The following SLC26A7 variants were observed in gnomAD, a reference collection of about 807,000 sequenced individuals.
SLC26A7 encodes the protein anion exchange transporter.
SLC26A7 carries 59 observed loss-of-function variants against 82.5 expected under a neutral mutation model. The observed-to-expected ratio is 0.72, with a 90% CI of 0.58 to 0.89. The LOEUF (loss-of-function observed/expected upper bound fraction) is 0.89, where lower values mean the gene tolerates loss of function less well. SLC26A7 is among the 40% of genes least tolerant of loss of function. The pLI, the probability that SLC26A7 is intolerant of heterozygous loss-of-function variation, is 0.00. For missense variants in SLC26A7, 820 were observed against 793.0 expected (o/e 1.03, Z -0.41); for synonymous variants, 271 against 274.3 (o/e 0.99, Z 0.12).
At chr8:91,282,030 G>A (rs147096359) in intron 2 of SLC26A7, among the ~76,000 whole-genome samples, 4 of 152,154 alleles carry the variant, frequency 2.6e-5, no homozygotes, top group African/African-American at 9.6e-5. Flanking sequence ...TCAGCTAACT[G>A]AGGCCATCAT....
chr8:91,270,423 C>T (rs1811237643), intron 2 of SLC26A7, among the ~76,000 whole-genome samples: 2 of 152,166 alleles, frequency 1.3e-5, no homozygotes, highest in East Asian at 1.9e-4. Flanking sequence ...AGAACCAAAA[C>T]ACAGAGCTGC....
chr8:91,209,566 T>C (rs1278741364), intron 1 of SLC26A7: 1 of 152,218 alleles, frequency 6.6e-6, no homozygotes, highest in Non-Finnish European at 1.5e-5. Context: ...AGAATATTCT[T>C]TGGACGTGAG....
chr8:91,351,280 C>A (rs1194970325), intron 9 of SLC26A7, among the ~76,000 whole-genome samples: 1 of 152,068 alleles, frequency 6.6e-6, no homozygotes, highest in African/African-American at 2.4e-5. Context: ...TGTTCCACAG[C>A]CAGAGATCAC....
chr8:91,281,563 G>C (rs867813925), intron 2 of SLC26A7, among the ~76,000 whole-genome samples: 1 of 152,278 alleles, frequency 6.6e-6, no homozygotes, highest in Non-Finnish European at 1.5e-5. Context: ...AAGTCTGCCT[G>C]TATTTTCATG....
intron 1 of SLC26A7, among the ~76,000 whole-genome samples, chr8:91,211,661 A>AT (rs1366071606): frequency 1.3e-5 from 2 of 148,334 alleles, no homozygotes; most frequent in Non-Finnish European, 3.0e-5. Context: ...TTTCTGTTAA[A>AT]TTTTTTTTAA....
chr8:91,245,486 G>T (rs1810533005), upstream of SLC26A7, among the ~76,000 whole-genome samples: 1 of 152,112 alleles, frequency 6.6e-6, no homozygotes, highest in Non-Finnish European at 1.5e-5. Context: ...GTAGAGTATG[G>T]CCTTCCTTAG....
intron 5 of SLC26A7, among the ~76,000 whole-genome samples, chr8:91,323,780 A>T (rs1007170467): frequency 6.6e-6 from 1 of 150,878 alleles, no homozygotes; most frequent in African/African-American, 2.4e-5. Context: ...CCTGTGGTTA[A>T]TATCCAACTT....
chr8:91,246,215 T>C (rs575933885), upstream of SLC26A7, among the ~76,000 whole-genome samples: 17 of 152,348 alleles, frequency 1.1e-4, no homozygotes, highest in East Asian at 2.5e-3. Flanking sequence ...AACATTTGTA[T>C]GTTAATACTT....
At chr8:91,345,344 G>A (rs187313442) in intron 9 of SLC26A7, among the ~76,000 whole-genome samples, 4 of 152,120 alleles carry the variant, frequency 2.6e-5, no homozygotes, top group South Asian at 2.1e-4. Context: ...GTGGTTCAGC[G>A]TTGGGCTCCA....
intron 2 of SLC26A7, among the ~76,000 whole-genome samples, chr8:91,275,587 C>T (rs1811386113): frequency 6.6e-6 from 1 of 152,184 alleles, no homozygotes; most frequent in Admixed American, 6.5e-5. Context: ...TTGTGAGCCA[C>T]CATGCCTGGC....
At chr8:91,215,690 A>G (rs10104677) in intron 1 of SLC26A7, among the ~76,000 whole-genome samples, 5,007 of 152,236 alleles carry the variant, frequency 0.033, 255 homozygotes, top group African/African-American at 0.11. Flanking sequence ...TTTCCTATTC[A>G]CTGACCTTGG....
At chr8:91,356,913 G>A (rs1293787448) in intron 11 of SLC26A7, among the ~76,000 whole-genome samples, 9 of 152,162 alleles carry the variant, frequency 5.9e-5, no homozygotes, top group Middle Eastern at 3.2e-3. Flanking sequence ...GCAGGAGGTC[G>A]TAAATGAGGT....
chr8:91,217,639 GCT>G (rs1176053508), intron 1 of SLC26A7, among the ~76,000 whole-genome samples: 1 of 152,122 alleles, frequency 6.6e-6, no homozygotes, highest in Non-Finnish European at 1.5e-5. Flanking sequence ...GAGAAAAGTT[GCT>G]CTCTCACTCC....
intron 5 of SLC26A7, 92 bp downstream of exon 5, chr8:91,318,472 T>G: frequency 8.5e-7 from 1 of 1,170,800 alleles, no homozygotes; most frequent in Non-Finnish European, 1.2e-6. Context: ...GATTTTTCTG[T>G]ATTAAAGCAA....
At chr8:91,214,155 G>GA (rs1183527303) in intron 1 of SLC26A7, among the ~76,000 whole-genome samples, 1 of 152,062 alleles carries the variant, frequency 6.6e-6, no homozygotes, top group African/African-American at 2.4e-5. Flanking sequence ...TGTGGTGGTG[G>GA]AAAAGCAAGG....
chr8:91,257,405 G>A (rs957590898), intron 2 of SLC26A7, among the ~76,000 whole-genome samples: 13 of 152,092 alleles, frequency 8.5e-5, no homozygotes, highest in Admixed American at 5.2e-4. Flanking sequence ...TATCAGGACA[G>A]ATGCCATCTC....
At chr8:91,315,681 C>T (rs1812609884) in intron 4 of SLC26A7, among the ~76,000 whole-genome samples, 1 of 152,332 alleles carries the variant, frequency 6.6e-6, no homozygotes, top group Non-Finnish European at 1.5e-5. Context: ...GGCTGCTAAA[C>T]TGCAAACAAT....
chr8:91,242,310 TTTGA>T (rs1810485808), intron 2 of SLC26A7, among the ~76,000 whole-genome samples: 1 of 152,240 alleles, frequency 6.6e-6, no homozygotes, highest in Non-Finnish European at 1.5e-5. Context: ...AAAAATTCCA[TTTGA>T]TTGTTCTCAA....
chr8:91,257,055 A>G (rs1045702282), intron 2 of SLC26A7, among the ~76,000 whole-genome samples: 28 of 152,196 alleles, frequency 1.8e-4, no homozygotes, highest in African/African-American at 4.8e-4. Flanking sequence ...CCTTCCCATG[A>G]TGACATGTCA....
Sources: gnomAD v4.1 joint callset for allele counts (sites outside exome capture counted in the v4.1 genomes callset) on GRCh38, gnomAD v4.1.1 for gene constraint, MANE v1.5 for transcripts, NCBI Gene and HGNC (gene_info 2026-07-23, HGNC 2026-07-21) for gene names.